The following PTER variants were observed in gnomAD, a reference collection of about 807,000 sequenced individuals.
The protein encoded by PTER is phosphotriesterase related.
Under a neutral mutation model 29.6 loss-of-function variants are expected in PTER, and 38 were observed. The observed-to-expected ratio is 1.28, with a 90% confidence interval of 0.99 to 1.68. The LOEUF is 1.68. Among genes scored for constraint, PTER ranks in the 40% most tolerant of loss-of-function variants. The probability of loss-of-function intolerance (pLI) is 0.00; values close to 1 mark genes in which losing one functional copy is unlikely to be tolerated. For synonymous variants in PTER, 172 were observed against 154.5 expected, an observed-to-expected ratio of 1.11 and a Z score of -0.84; for missense variants, 482 against 427.8, an observed-to-expected ratio of 1.13 and a Z score of -1.12.
chr10:16,490,201 A>G (rs1835847303), intron 3 of PTER, among the ~76,000 whole-genome samples: 1 of 152,164 alleles, frequency 6.6e-6, no homozygotes, highest in South Asian at 2.1e-4. Flanking sequence ...TGAACAGCTC[A>G]TATAATGTAT....
chr10:16,481,887 G>A (rs7077602), intron 1 of PTER, among the ~76,000 whole-genome samples: 28,229 of 151,986 alleles, frequency 0.19, 3,680 homozygotes, highest in African/African-American at 0.34. Context: ...ATTATTAATG[G>A]TACTGTGATT....
At chr10:16,466,727 G>A (rs1374800420) in intron 1 of PTER, among the ~76,000 whole-genome samples, 1 of 152,210 alleles carries the variant, frequency 6.6e-6, no homozygotes, top group African/African-American at 2.4e-5. Context: ...AGTCTACCGT[G>A]TGATCTTCAA....
chr10:16,460,184 A>G (rs971541144), intron 1 of PTER, among the ~76,000 whole-genome samples: 2 of 152,256 alleles, frequency 1.3e-5, no homozygotes, highest in Non-Finnish European at 2.9e-5. Flanking sequence ...TTCAGTGAAC[A>G]GTGGAATTGA....
chr10:16,482,842 C>T (rs1004296469), intron 1 of PTER, among the ~76,000 whole-genome samples: 23 of 151,966 alleles, frequency 1.5e-4, no homozygotes, highest in African/African-American at 4.4e-4. Flanking sequence ...AGTGCAGTGG[C>T]GCGATCTCGG....
At position 16,505,077 on chromosome 10, in the gene PTER, A is replaced by G; in HGVS notation, c.756A>G (p.Glu252=). The change falls in exon 4 of 5, where the codon GAA becomes GAG. Residue 252 remains glutamate (E), a synonymous_variant. Transcript: ENST00000535784. ...TTGCTCAACTTGGCTGCTACTTGGAATATGATCTCTTTGGTACTGAACTAC... is the reference window on the plus strand; with the variant it reads ...TTGCTCAACTTGGCTGCTACTTGGAGTATGATCTCTTTGGTACTGAACTAC... The part of the protein sequence containing the change: ...LEFAQLGCYL[E]YDLFGTELLH... The G allele has an allele frequency of 6.2e-7, 1 of 1,614,054 alleles. No individual in the cohort carries two copies. The highest frequency in any genetic ancestry group is 8.5e-7 in the Non-Finnish European group (1 of 1,179,928).
At chr10:16,499,927 G>C (rs1376629904) in intron 3 of PTER, among the ~76,000 whole-genome samples, 1 of 151,698 alleles carries the variant, frequency 6.6e-6, no homozygotes, top group Non-Finnish European at 1.5e-5. Context: ...ATGTTATAGA[G>C]GCAGGGTCTC....
intron 3 of PTER, among the ~76,000 whole-genome samples, chr10:16,500,851 C>G (rs1836309183): frequency 6.6e-6 from 1 of 152,144 alleles, no homozygotes; most frequent in Non-Finnish European, 1.5e-5. Context: ...AGCAATCCTC[C>G]TCACTCAGCC....
intron 1 of PTER, among the ~76,000 whole-genome samples, chr10:16,444,480 C>T (rs1002528495): frequency 2.0e-5 from 3 of 151,808 alleles, no homozygotes; most frequent in African/African-American, 4.8e-5. Flanking sequence ...ACTTTATTCT[C>T]GTGCTTTTGT....
chr10:16,440,481 C>A (rs1230315447), intron 1 of PTER, among the ~76,000 whole-genome samples: 1 of 152,280 alleles, frequency 6.6e-6, no homozygotes, highest in East Asian at 1.9e-4. Context: ...TGTGGTTGTA[C>A]CTATTTTGTC....
At chr10:16,449,856 T>A (rs1017486364) in intron 1 of PTER, among the ~76,000 whole-genome samples, 1 of 152,172 alleles carries the variant, frequency 6.6e-6, no homozygotes, top group African/African-American at 2.4e-5. Flanking sequence ...GATCCCTTCC[T>A]CTACCTTAAA....
At chr10:16,475,438 C>T (rs1256118000) in intron 1 of PTER, among the ~76,000 whole-genome samples, 1 of 152,156 alleles carries the variant, frequency 6.6e-6, no homozygotes, top group Non-Finnish European at 1.5e-5. Context: ...GTCTCAGGGC[C>T]TCTTCTCCAT....
chr10:16,466,414 GGCACC>G (rs1250773562), intron 1 of PTER, among the ~76,000 whole-genome samples: 5 of 152,044 alleles, frequency 3.3e-5, no homozygotes. Context: ...GCAGTGCAGT[GGCACC>G]ATCTCAGCTC....
chr10:16,447,599 A>T (rs1308275484), intron 1 of PTER, among the ~76,000 whole-genome samples: 1 of 152,232 alleles, frequency 6.6e-6, no homozygotes, highest in Non-Finnish European at 1.5e-5. Context: ...TTGTTTCTAT[A>T]CAAAGAATGA....
chr10:16,491,699 T>C (rs1835904507), intron 3 of PTER, among the ~76,000 whole-genome samples: 1 of 152,164 alleles, frequency 6.6e-6, no homozygotes, highest in Non-Finnish European at 1.5e-5. Context: ...ACCTTGTGAT[T>C]GGAAGATAAT....
intron 1 of PTER, among the ~76,000 whole-genome samples, chr10:16,474,555 G>T (rs762881664): frequency 1.8e-4 from 28 of 151,992 alleles, no homozygotes; most frequent in Non-Finnish European, 3.4e-4. Flanking sequence ...CATTTGGGGT[G>T]CTCTAACAGA....
intron 1 of PTER, among the ~76,000 whole-genome samples, chr10:16,470,478 G>A (rs1039703069): frequency 6.6e-6 from 1 of 152,150 alleles, no homozygotes; most frequent in African/African-American, 2.4e-5. Flanking sequence ...CCATTAAAAG[G>A]GTTTCTTGGG....
downstream of PTER, among the ~76,000 whole-genome samples, chr10:16,516,303 T>G (rs1340252041): frequency 6.6e-6 from 1 of 152,216 alleles, no homozygotes; most frequent in Admixed American, 6.5e-5. Flanking sequence ...CAGTTTGACT[T>G]CATAATATTT....
chr10:16,495,148 A>C (rs1374689679), intron 3 of PTER, among the ~76,000 whole-genome samples: 1 of 150,318 alleles, frequency 6.7e-6, no homozygotes, highest in Admixed American at 6.7e-5. Flanking sequence ...GGGGAGGAGT[A>C]CAAAGATTTT....
At chr10:16,477,999 G>A (rs1044368181) in intron 1 of PTER, among the ~76,000 whole-genome samples, 2 of 152,142 alleles carry the variant, frequency 1.3e-5, no homozygotes, top group Admixed American at 1.3e-4. Flanking sequence ...AACGTGGAGA[G>A]TTCTTCATGA....
Sources: gnomAD v4.1 joint callset for allele counts (sites outside exome capture counted in the v4.1 genomes callset) on GRCh38, gnomAD v4.1.1 for gene constraint, MANE v1.5 for transcripts, NCBI Gene and HGNC (gene_info 2026-07-23, HGNC 2026-07-21) for gene names.